Variants in SULT4A1 observed in about 807,000 individuals in gnomAD.
SULT4A1 encodes the protein sulfotransferase family 4A member 1.
In SULT4A1, 11 loss-of-function variants were observed where a neutral mutation model predicts 35.2. The observed-to-expected ratio is 0.31, with a 90% CI of 0.20 to 0.52. The LOEUF (loss-of-function observed/expected upper bound fraction) is 0.52, where lower values mean the gene tolerates loss of function less well. Ranked by LOEUF, SULT4A1 falls within the 20% of genes least tolerant of loss-of-function variation. The pLI, the probability that SULT4A1 is intolerant of heterozygous loss-of-function variation, is 0.97. For synonymous variants in SULT4A1, 152 were observed against 151.8 expected (o/e 1.00, Z -0.01); for missense variants, 271 against 383.7 (o/e 0.71, Z 2.45).
intron 3 of SULT4A1, 95 bp from the exon 4 acceptor site, chr22:43,839,088 C>T (rs2063402274): frequency 4.0e-6 from 6 of 1,512,850 alleles, no homozygotes; most frequent in Middle Eastern, 1.7e-4. Flanking sequence ...TGCTGGTGCA[C>T]CTCACAAACC....
intron 1 of SULT4A1, among the ~76,000 whole-genome samples, chr22:43,856,420 G>A (rs1281697436): frequency 2.0e-5 from 3 of 152,180 alleles, no homozygotes; most frequent in Non-Finnish European, 2.9e-5. Context: ...CATCCAGGCA[G>A]TTTGGCTGCC....
chr22:43,838,388 G>A (rs555279355), intron 4 of SULT4A1, among the ~76,000 whole-genome samples: 8 of 151,888 alleles, frequency 5.3e-5, no homozygotes, highest in East Asian at 1.9e-4. Context: ...GGTTCAGCCC[G>A]GCTGTCCTCC....
At chr22:43,861,558 G>A (rs1461982085) in intron 1 of SULT4A1, among the ~76,000 whole-genome samples, 3 of 152,196 alleles carry the variant, frequency 2.0e-5, no homozygotes, top group Non-Finnish European at 2.9e-5. Flanking sequence ...AAGTGGGAAT[G>A]ACCACCACTA....
chr22:43,835,789 G>A (rs1476357694), intron 4 of SULT4A1, among the ~76,000 whole-genome samples: 10 of 152,232 alleles, frequency 6.6e-5, no homozygotes, highest in African/African-American at 2.4e-4. Context: ...ACATGGAGTT[G>A]CAGGGGGAAA....
intron 5 of SULT4A1, among the ~76,000 whole-genome samples, chr22:43,833,029 A>C (rs2148280023): frequency 6.6e-6 from 1 of 152,116 alleles, no homozygotes; most frequent in African/African-American, 2.4e-5. Flanking sequence ...GCCCCACAGG[A>C]GCAACCTCAC....
intron 1 of SULT4A1, among the ~76,000 whole-genome samples, chr22:43,858,865 A>G (rs1333512135): frequency 6.6e-6 from 1 of 152,170 alleles, no homozygotes; most frequent in Non-Finnish European, 1.5e-5. Context: ...CGTCCTGAGA[A>G]TCAAAGTGGG....
intron 1 of SULT4A1, among the ~76,000 whole-genome samples, chr22:43,848,750 G>A (rs577264045): frequency 1.1e-4 from 17 of 152,332 alleles, no homozygotes; most frequent in African/African-American, 3.1e-4. Flanking sequence ...CACCGCTGCC[G>A]AGGTGGGGGC....
At chr22:43,861,801 C>G (rs2049472557) in intron 1 of SULT4A1, among the ~76,000 whole-genome samples, 1 of 152,228 alleles carries the variant, frequency 6.6e-6, no homozygotes, top group Admixed American at 6.5e-5. Context: ...CAGGTGAACA[C>G]CAGGACTTTG....
Position 43,862,417 on chromosome 22 carries a change from G to C in SULT4A1, c.-35C>G, listed in dbSNP as rs773296422. 9 of 1,105,774 alleles carry C rather than the reference G, an allele frequency of 8.1e-6. No homozygotes were observed. The highest frequency in any genetic ancestry group is 3.4e-5 in the African/African-American group (2 of 59,064). The allele number at this position is 1,105,774 out of a possible 1,614,324, so 68.5% of individuals were successfully genotyped here. A position where few individuals can be genotyped will look rare whatever the true frequency, so the allele number is the denominator to read the frequency against. ...GTCGCCGTCGCCGCCGCCGCCTCCC[G>C]GCTCGCAGCCCGCACGCGCCCGCGC... On this transcript the variant is annotated 5_prime_UTR_variant, in exon 1 of 7. Coordinates refer to ENST00000330884, the MANE Select transcript of SULT4A1 (RefSeq NM_014351.4).
chr22:43,835,937 T>C (rs2063368305), intron 4 of SULT4A1, among the ~76,000 whole-genome samples: 1 of 152,140 alleles, frequency 6.6e-6, no homozygotes, highest in African/African-American at 2.4e-5. Flanking sequence ...GTGGAGAGCC[T>C]TCCCACCGGA....
rs1271893477 is a variant in SULT4A1, at chr22:43,827,606, A to G, written c.742+1454T>C. 4 of 1,366,428 alleles carry G rather than the reference A, an allele frequency of 2.9e-6. No homozygotes were observed. In the African/African-American group the frequency reaches 4.4e-5, roughly 15 times the overall value. The allele number at this position is 1,366,428 out of a possible 1,614,324, so 84.6% of individuals were successfully genotyped here. ...GCTACTCGGCCCTGCATTCTCACCAACTCAAGAAGATCTTCCGAGCAAAGA... is the reference window on the plus strand; with the variant it reads ...GCTACTCGGCCCTGCATTCTCACCAGCTCAAGAAGATCTTCCGAGCAAAGA... On this transcript the variant is annotated intron_variant, in intron 6 of 6. Transcript: ENST00000330884.
intron 5 of SULT4A1, among the ~76,000 whole-genome samples, chr22:43,831,725 A>G (rs1056923483): frequency 2.6e-5 from 4 of 152,258 alleles, no homozygotes; most frequent in African/African-American, 9.6e-5. Flanking sequence ...CACACCTGAC[A>G]GGTTCCAAAG....
At chr22:43,829,293 C>A in intron 5 of SULT4A1, 95 bp from the exon 6 acceptor site, 1 of 1,337,910 alleles carries the variant, frequency 7.5e-7, no homozygotes, top group Non-Finnish European at 9.9e-7. Flanking sequence ...GGACTTTTTA[C>A]ACACGGCCTT....
chr22:43,852,111 A>G (rs1490719673), intron 1 of SULT4A1, among the ~76,000 whole-genome samples: 2 of 152,170 alleles, frequency 1.3e-5, no homozygotes, highest in African/African-American at 2.4e-5. Context: ...AGCCCCCTAC[A>G]GGGTTCTGGA....
intron 1 of SULT4A1, among the ~76,000 whole-genome samples, chr22:43,853,050 G>A (rs929480784): frequency 6.6e-6 from 1 of 151,496 alleles, no homozygotes; most frequent in Non-Finnish European, 1.5e-5. Flanking sequence ...GTATACTCAC[G>A]CACACCACAT....
At chr22:43,832,357 G>A (rs750932012) in intron 5 of SULT4A1, among the ~76,000 whole-genome samples, 10 of 152,116 alleles carry the variant, frequency 6.6e-5, no homozygotes, top group Non-Finnish European at 1.5e-4. Context: ...CCATAACACA[G>A]AGCCATGGTG....
chr22:43,839,992 G>C lies in SULT4A1; in HGVS notation c.334C>G (p.Leu112Val). The C allele has an allele frequency of 6.2e-7, 1 of 1,610,830 alleles. No homozygotes were observed. Among genetic ancestry groups the C allele is most frequent in the African/African-American group, 1.3e-5 (1 of 74,910 alleles). Residue 112 changes from leucine (L) to valine (V), a missense_variant, in exon 3 of 7, where the codon CTG becomes GTG. Leu to Val is a conservative substitution (Grantham distance 32). This residue lies in a region of SULT4A1 where 164 missense variants were observed against 254.1 expected (regional missense o/e 0.65). Transcript: ENST00000330884. The part of the protein sequence containing the change: ...LTSPRLIKSH[L>V]PYRFLPSDLH... The stretch of plus-strand genomic sequence containing the variant: ...TCAGAGGGCAGAAAGCGGTAGGGCA[G>C]GTGGCTCTTGATGAGGCGGGGAGAG...
At chr22:43,848,136 G>A (rs904688106) in intron 1 of SULT4A1, among the ~76,000 whole-genome samples, 1 of 152,140 alleles carries the variant, frequency 6.6e-6, no homozygotes, top group African/African-American at 2.4e-5. Context: ...TATGTGCCAG[G>A]CTCCAGGCTG....
chr22:43,854,683 C>A (rs2049381972), intron 1 of SULT4A1, among the ~76,000 whole-genome samples: 1 of 152,158 alleles, frequency 6.6e-6, no homozygotes, highest in Non-Finnish European at 1.5e-5. Flanking sequence ...CCACACCCAA[C>A]CACTAAAGGA....
Sources: gnomAD v4.1 joint callset for allele counts (sites outside exome capture counted in the v4.1 genomes callset) on GRCh38, gnomAD v4.1.1 for gene constraint, gnomAD v4.1.1 regional missense constraint, MANE v1.5 for transcripts, NCBI Gene and HGNC (gene_info 2026-07-23, HGNC 2026-07-21) for gene names.